VAT1L: variants seen among roughly 807,000 people sequenced by gnomAD.
VAT1L encodes putative NADPH-dependent quinone oxidoreductase VAT1L.
In VAT1L, 34 loss-of-function variants were observed where a neutral mutation model predicts 44.1. The ratio of observed to expected loss-of-function variants is 0.77; its 90% CI spans 0.59 to 1.03. The LOEUF is 1.03. Among genes scored for constraint, VAT1L ranks in the 50% least tolerant of loss-of-function variants. VAT1L has a pLI of 0.00. For missense variants in VAT1L, 615 were observed against 538.8 expected (o/e 1.14, Z -1.40); for synonymous variants, 253 against 202.2 (o/e 1.25, Z -2.13).
intron 2 of VAT1L, among the ~76,000 whole-genome samples, chr16:77,821,420 C>A (rs999126128): frequency 1.3e-4 from 20 of 152,010 alleles, no homozygotes; most frequent in Admixed American, 1.3e-4. Flanking sequence ...CCTGCCTCAG[C>A]CTCCCAAGTA....
chr16:77,901,050 G>C (rs1051896622), intron 7 of VAT1L, among the ~76,000 whole-genome samples: 1 of 151,912 alleles, frequency 6.6e-6, no homozygotes, highest in South Asian at 2.1e-4. Flanking sequence ...ATGAGGACTG[G>C]AATGGGAGAA....
intron 3 of VAT1L, among the ~76,000 whole-genome samples, chr16:77,853,795 G>C (rs2016830022): frequency 6.6e-6 from 1 of 152,036 alleles, no homozygotes; most frequent in Admixed American, 6.6e-5. Context: ...AAAAAAATAA[G>C]ACACTGTCCA....
intron 7 of VAT1L, among the ~76,000 whole-genome samples, chr16:77,888,746 T>C (rs1233815404): frequency 6.6e-6 from 1 of 152,194 alleles, no homozygotes; most frequent in Non-Finnish European, 1.5e-5. Flanking sequence ...AAATGTCTCC[T>C]GGGTGGGACA....
rs1200827152 is a variant in VAT1L at position 77,978,018 on chromosome 16, C to T, written c.*323C>T. On this transcript the variant is annotated 3_prime_UTR_variant, in exon 9 of 9. Transcript: ENST00000302536. ...AGTCCCAGGCCCAATGCCTAAGAGA[C>T]CAGACGTGGGCAAAGACAAGTTTGG... 1 of 240,566 alleles carries T rather than the reference C, an allele frequency of 4.2e-6. No individual in the cohort carries two copies. The highest frequency in any genetic ancestry group is 8.2e-6 in the Non-Finnish European group (1 of 121,234). 14.9% of individuals were successfully genotyped at this position (240,566 alleles called of 1,614,324 possible).
At chr16:77,795,332 G>A (rs2015910443) in intron 1 of VAT1L, among the ~76,000 whole-genome samples, 1 of 151,716 alleles carries the variant, frequency 6.6e-6, no homozygotes, top group Non-Finnish European at 1.5e-5. Context: ...TATTTTACAT[G>A]AAATAGGATT....
chr16:77,856,947 T>C (rs570505552), intron 3 of VAT1L, among the ~76,000 whole-genome samples: 4 of 152,144 alleles, frequency 2.6e-5, no homozygotes, highest in Non-Finnish European at 2.9e-5. Flanking sequence ...TGAATCCCCA[T>C]GTTTACGTAT....
chr16:77,871,082 A>G (rs1349691361), intron 4 of VAT1L, among the ~76,000 whole-genome samples: 2 of 152,044 alleles, frequency 1.3e-5, no homozygotes, highest in Non-Finnish European at 2.9e-5. Flanking sequence ...TGAAATTCTT[A>G]CCCGAAGGAA....
At chr16:77,973,700 T>G (rs1403290593) in intron 8 of VAT1L, among the ~76,000 whole-genome samples, 1 of 152,088 alleles carries the variant, frequency 6.6e-6, no homozygotes, top group Non-Finnish European at 1.5e-5. Context: ...GAACTAAAAT[T>G]TCTTGCATAT....
At chr16:77,844,816 CAT>C in intron 3 of VAT1L, among the ~76,000 whole-genome samples, 1 of 151,634 alleles carries the variant, frequency 6.6e-6, no homozygotes, top group Non-Finnish European at 1.5e-5. Context: ...TACACACAAA[CAT>C]ATACACATAT....
At position 77,878,464 on chromosome 16, in the gene VAT1L, C is replaced by G. The variant is rs186585688; in HGVS notation, c.827-705C>G. 1.2e-3 allele frequency among the ~76,000 whole-genome samples: 184 copies of G among 152,106 alleles called. 3 individuals are homozygous for G. Among genetic ancestry groups the G allele is most frequent in the East Asian group, 7.8e-4 (4 of 5,160 alleles). On this transcript the variant is annotated intron_variant, in intron 5 of 8. Transcript: ENST00000302536. ...ACTGTTAAGAGCTCTCTCATTCCCC[C>G]CTCCCCTGCCCCGAAACCTTATAAA...
intron 7 of VAT1L, among the ~76,000 whole-genome samples, chr16:77,957,679 C>T (rs1205690079): frequency 6.6e-6 from 1 of 151,448 alleles, no homozygotes; most frequent in Non-Finnish European, 1.5e-5. Context: ...GAGCTGAGAT[C>T]GGGCCACTGC....
At chr16:77,967,022 C>A (rs1328300238) in intron 7 of VAT1L, among the ~76,000 whole-genome samples, 2 of 151,658 alleles carry the variant, frequency 1.3e-5, no homozygotes, top group African/African-American at 4.8e-5. Context: ...TTTCTGGAGC[C>A]CATCGAGCCC....
At chr16:77,908,552 G>C (rs1363312434) in intron 7 of VAT1L, among the ~76,000 whole-genome samples, 2 of 141,948 alleles carry the variant, frequency 1.4e-5, no homozygotes, top group African/African-American at 5.2e-5. Context: ...AAAAAGCCAA[G>C]AACACTTCCC....
intron 7 of VAT1L, among the ~76,000 whole-genome samples, chr16:77,911,340 C>A (rs1397444268): frequency 6.6e-6 from 1 of 152,198 alleles, no homozygotes; most frequent in African/African-American, 2.4e-5. Context: ...TTTTCCCCTA[C>A]TATCAGCCCT....
intron 7 of VAT1L, among the ~76,000 whole-genome samples, chr16:77,943,528 T>C (rs537805156): frequency 6.6e-6 from 1 of 151,800 alleles, no homozygotes; most frequent in East Asian, 2.0e-4. Context: ...GCCTCCCTAG[T>C]AGCTGGGACT....
At chr16:77,922,290 T>G (rs1597100077) in intron 7 of VAT1L, among the ~76,000 whole-genome samples, 1 of 152,196 alleles carries the variant, frequency 6.6e-6, no homozygotes, top group Non-Finnish European at 1.5e-5. Flanking sequence ...GTCTTGGAAT[T>G]AAAAGGTACT....
At chr16:77,839,884 A>C (rs2016686764) in intron 3 of VAT1L, among the ~76,000 whole-genome samples, 1 of 152,214 alleles carries the variant, frequency 6.6e-6, no homozygotes, top group Non-Finnish European at 1.5e-5. Context: ...GAATGTATTG[A>C]TCTTCAATGT....
chr16:77,927,325 G>A (rs150640592), intron 7 of VAT1L, among the ~76,000 whole-genome samples: 2,515 of 143,396 alleles, frequency 0.018, 77 homozygotes, highest in African/African-American at 0.061. Context: ...GTGACAGAGC[G>A]AGACTCCATC....
intron 1 of VAT1L, among the ~76,000 whole-genome samples, chr16:77,811,204 A>G (rs2016258225): frequency 6.6e-6 from 1 of 152,200 alleles, no homozygotes; most frequent in Non-Finnish European, 1.5e-5. Context: ...ATCTTTTCAT[A>G]TGAGCAACCC....
Sources: gnomAD v4.1 joint callset for allele counts (sites outside exome capture counted in the v4.1 genomes callset) on GRCh38, gnomAD v4.1.1 for gene constraint, MANE v1.5 for transcripts, NCBI Gene and HGNC (gene_info 2026-07-23, HGNC 2026-07-21) for gene names.